Variants in LHFPL2 observed in about 807,000 individuals in gnomAD.
LHFPL2 encodes the protein LHFPL tetraspan subfamily member 2 protein.
In LHFPL2, 7 loss-of-function variants were observed where a neutral mutation model predicts 17.5. The observed-to-expected ratio is 0.40, with a 90% CI of 0.23 to 0.75. LHFPL2 has a LOEUF of 0.75. Ranked by LOEUF, LHFPL2 falls within the 30% of genes least tolerant of loss-of-function variation. The probability of loss-of-function intolerance (pLI) is 0.37; values close to 1 mark genes in which losing one functional copy is unlikely to be tolerated. For synonymous variants in LHFPL2, 134 were observed against 116.2 expected, an observed-to-expected ratio of 1.15 and a Z score of -0.99; for missense variants, 241 against 294.8, an observed-to-expected ratio of 0.82 and a Z score of 1.34.
chr5:78,606,288 A>G (rs1023519399), intron 2 of LHFPL2, among the ~76,000 whole-genome samples: 1 of 152,232 alleles, frequency 6.6e-6, no homozygotes, highest in Non-Finnish European at 1.5e-5. Flanking sequence ...CTGGTTTCAG[A>G]TGAGCATCTC....
chr5:78,565,495 G>A (rs937845260), intron 2 of LHFPL2, among the ~76,000 whole-genome samples: 1 of 152,186 alleles, frequency 6.6e-6, no homozygotes, highest in Admixed American at 6.5e-5. Context: ...GGAACCTTTA[G>A]AAAATTATAA....
At chr5:78,641,462 C>G (rs1244461602) in intron 1 of LHFPL2, among the ~76,000 whole-genome samples, 1 of 152,174 alleles carries the variant, frequency 6.6e-6, no homozygotes, top group Non-Finnish European at 1.5e-5. Flanking sequence ...CTTTCAAATA[C>G]TATAACTGGG....
chr5:78,610,333 A>C (rs1744374823), intron 2 of LHFPL2, among the ~76,000 whole-genome samples: 1 of 152,216 alleles, frequency 6.6e-6, no homozygotes, highest in Non-Finnish European at 1.5e-5. Flanking sequence ...ACTAAACGGA[A>C]ACGTCTTCAC....
chr5:78,618,636 C>T (rs1205815366), intron 2 of LHFPL2, among the ~76,000 whole-genome samples: 1 of 152,186 alleles, frequency 6.6e-6, no homozygotes, highest in Non-Finnish European at 1.5e-5. Context: ...AACTGCATGG[C>T]TTTCTGTGAC....
intron 3 of LHFPL2, among the ~76,000 whole-genome samples, chr5:78,532,672 A>C (rs746003966): frequency 6.6e-6 from 1 of 152,040 alleles, no homozygotes; most frequent in Non-Finnish European, 1.5e-5. Context: ...TTTTTTAAAA[A>C]ACTGAATAAT....
chr5:78,560,777 T>C (rs1756704551), intron 3 of LHFPL2, among the ~76,000 whole-genome samples: 2 of 152,292 alleles, frequency 1.3e-5, no homozygotes, highest in South Asian at 4.1e-4. Context: ...TGTCAGACTA[T>C]GAACAAAACC....
chr5:78,489,231 G>GCT, intron 4 of LHFPL2, 78 bp from the exon 5 acceptor site: 1 of 1,547,364 alleles, frequency 6.5e-7, no homozygotes. Flanking sequence ...ATTGTTACTT[G>GCT]ATTTGCTTGC....
chr5:78,647,872 C>CAG (rs1745940656), intron 1 of LHFPL2, among the ~76,000 whole-genome samples: 1 of 152,136 alleles, frequency 6.6e-6, no homozygotes, highest in African/African-American at 2.4e-5. Flanking sequence ...GAAACACACG[C>CAG]AGAGTCTCCC....
intron 3 of LHFPL2, among the ~76,000 whole-genome samples, chr5:78,511,161 A>G (rs1053723196): frequency 3.9e-5 from 6 of 152,192 alleles, no homozygotes; most frequent in African/African-American, 7.2e-5. Context: ...TTTTTAAAAG[A>G]CATTAATGAC....
chr5:78,557,011 A>C (rs1289629559), intron 3 of LHFPL2, among the ~76,000 whole-genome samples: 1 of 151,796 alleles, frequency 6.6e-6, no homozygotes, highest in African/African-American at 2.4e-5. Context: ...CACAACATGC[A>C]GGTTTGTTAC....
chr5:78,520,786 C>G (rs1365982791), intron 3 of LHFPL2, among the ~76,000 whole-genome samples: 1 of 151,324 alleles, frequency 6.6e-6, no homozygotes, highest in African/African-American at 2.5e-5. Context: ...TAGAGCATTT[C>G]CCACTACGGT....
At chr5:78,571,777 G>A (rs1757005796) in intron 2 of LHFPL2, among the ~76,000 whole-genome samples, 1 of 152,192 alleles carries the variant, frequency 6.6e-6, no homozygotes, top group Admixed American at 6.5e-5. Flanking sequence ...ACCACTGCCT[G>A]GAGCCCATCA....
intron 2 of LHFPL2, among the ~76,000 whole-genome samples, chr5:78,565,506 G>A (rs575138393): frequency 9.8e-5 from 15 of 152,288 alleles, no homozygotes; most frequent in Middle Eastern, 3.4e-3. Context: ...AAAATTATAA[G>A]CCTACTAATA....
chr5:78,634,696 T>TC (rs1466465762), intron 1 of LHFPL2, among the ~76,000 whole-genome samples: 1 of 152,126 alleles, frequency 6.6e-6, no homozygotes, highest in African/African-American at 2.4e-5. Flanking sequence ...CTGCATTCCA[T>TC]CCCCTCACCC....
intron 4 of LHFPL2, chr5:78,494,243 G>T: frequency 2.5e-6 from 1 of 398,506 alleles, no homozygotes; most frequent in Non-Finnish European, 3.4e-6. Context: ...TCATGACTGG[G>T]TCGCAGCAAG....
chr5:78,560,551 A>G (rs980867085), intron 3 of LHFPL2, among the ~76,000 whole-genome samples: 4 of 152,178 alleles, frequency 2.6e-5, no homozygotes, highest in Non-Finnish European at 4.4e-5. Flanking sequence ...TTAGCTGAAA[A>G]CACTGGTTTC....
At chr5:78,542,874 A>G (rs1475540091) in intron 3 of LHFPL2, among the ~76,000 whole-genome samples, 2 of 152,340 alleles carry the variant, frequency 1.3e-5, no homozygotes, top group South Asian at 2.1e-4. Flanking sequence ...TTAAGTGCCA[A>G]TGGTGATATG....
intron 2 of LHFPL2, among the ~76,000 whole-genome samples, chr5:78,617,269 A>G (rs1353669566): frequency 6.6e-6 from 1 of 152,088 alleles, no homozygotes; most frequent in Non-Finnish European, 1.5e-5. Flanking sequence ...ACCTTAGGTG[A>G]TCCACCCACC....
chr5:78,528,506 T>A (rs73144005), intron 3 of LHFPL2, among the ~76,000 whole-genome samples: 1 of 152,162 alleles, frequency 6.6e-6, no homozygotes, highest in African/African-American at 2.4e-5. Flanking sequence ...CCATCATACA[T>A]AGAAAAATTG....
Sources: gnomAD v4.1 joint callset for allele counts (sites outside exome capture counted in the v4.1 genomes callset) on GRCh38, gnomAD v4.1.1 for gene constraint, MANE v1.5 for transcripts, NCBI Gene and HGNC (gene_info 2026-07-23, HGNC 2026-07-21) for gene names.